Variants in PLXNA4 observed in about 807,000 individuals in gnomAD.
PLXNA4 encodes plexin A4, also known as plexin-A4.
A neutral mutation model predicts 191.8 loss-of-function variants in PLXNA4; 44 were observed. That is an observed-to-expected ratio of 0.23 (90% CI 0.18 to 0.29). The LOEUF is 0.29. PLXNA4 is among the 10% of genes least tolerant of loss of function. PLXNA4 has a pLI of 1.00. For synonymous variants in PLXNA4, 1,082 were observed against 1,009.5 expected, an observed-to-expected ratio of 1.07 and a Z score of -1.36; for missense variants, 1,800 against 2,488.8, an observed-to-expected ratio of 0.72 and a Z score of 5.89.
chr7:132,621,260 G>GTT (rs371428336), intron 2 of PLXNA4, among the ~76,000 whole-genome samples: 4 of 131,816 alleles, frequency 3.0e-5, no homozygotes, highest in African/African-American at 9.0e-5. Context: ...TTTTTTTTTG[G>GTT]TTTTTTTGTT....
intron 2 of PLXNA4, among the ~76,000 whole-genome samples, chr7:132,638,513 G>A (rs1283568633): frequency 3.9e-5 from 6 of 152,024 alleles, no homozygotes; most frequent in East Asian, 1.9e-4. Context: ...TTAACTGGGC[G>A]TGATGGTGTG....
At chr7:132,608,902 C>T (rs774583360) in intron 2 of PLXNA4, among the ~76,000 whole-genome samples, 9 of 152,164 alleles carry the variant, frequency 5.9e-5, no homozygotes, top group East Asian at 1.9e-4. Flanking sequence ...CCTGCTCTGC[C>T]GTGCCCAGGT....
intron 19 of PLXNA4, among the ~76,000 whole-genome samples, chr7:132,180,236 C>T (rs1400105466): frequency 2.0e-5 from 3 of 152,114 alleles, no homozygotes; most frequent in Non-Finnish European, 4.4e-5. Context: ...GATTTATGCC[C>T]AATCTAAGGG....
chr7:132,584,073 C>A (rs1287530592), intron 2 of PLXNA4, among the ~76,000 whole-genome samples: 1 of 152,166 alleles, frequency 6.6e-6, no homozygotes, highest in Non-Finnish European at 1.5e-5. Flanking sequence ...ACACTTCTGG[C>A]AGGGTCATTG....
intron 25 of PLXNA4, among the ~76,000 whole-genome samples, chr7:132,156,135 T>TACACACACACAC (rs57153762): frequency 0.015 from 1,998 of 133,012 alleles, 58 homozygotes; most frequent in African/African-American, 0.05. Flanking sequence ...TTTCTGGACA[T>TACACACACACAC]ACACACACAC....
intron 10 of PLXNA4, among the ~76,000 whole-genome samples, chr7:132,208,531 C>T (rs1368255339): frequency 6.6e-6 from 1 of 152,050 alleles, no homozygotes; most frequent in Admixed American, 6.5e-5. Context: ...GAGTTGGGGG[C>T]AGGGCATGAG....
chr7:132,311,028 A>G (rs1338277307), intron 3 of PLXNA4, among the ~76,000 whole-genome samples: 1 of 152,136 alleles, frequency 6.6e-6, no homozygotes. Context: ...GGCAGAAATG[A>G]TGGAGTTTCA....
chr7:132,474,067 C>CA lies in PLXNA4; in HGVS notation c.1371+15224dup, dbSNP rs1221708385. On this transcript the variant is annotated intron_variant, in intron 3 of 31. Coordinates refer to ENST00000321063, the MANE Select transcript of PLXNA4 (RefSeq NM_020911.2). ...AAAAACAAAACAAAACAAAACAAAA[C>CA]AAAAAAAAACAGGGCAATAAACACC... Among the ~76,000 whole-genome samples, 51 of 137,888 alleles carry CA rather than the reference C, an allele frequency of 3.7e-4. No homozygotes were observed. In the South Asian group the frequency reaches 4.2e-3, roughly 11 times the overall value. The allele number at this position is 137,888 out of a possible 152,430, so 90.5% of individuals were successfully genotyped here. A position where few individuals can be genotyped will look rare whatever the true frequency, so the allele number is the denominator to read the frequency against.
At chr7:132,169,554 C>G (rs1265178819) in intron 21 of PLXNA4, among the ~76,000 whole-genome samples, 3 of 152,168 alleles carry the variant, frequency 2.0e-5, no homozygotes, top group Admixed American at 6.5e-5. Flanking sequence ...CAGGATGGGT[C>G]CTGCAAATGT....
intron 2 of PLXNA4, among the ~76,000 whole-genome samples, chr7:132,491,027 G>T (rs1220328040): frequency 6.6e-6 from 1 of 152,032 alleles, no homozygotes; most frequent in African/African-American, 2.4e-5. Flanking sequence ...AAGCAGCTTG[G>T]GTCTCACACA....
intron 1 of PLXNA4, among the ~76,000 whole-genome samples, chr7:132,563,182 TCC>T: frequency 2.8e-5 from 1 of 35,870 alleles, no homozygotes; most frequent in Non-Finnish European, 6.7e-5. Flanking sequence ...CTCCTCCTTC[TCC>T]TTCCTCCTCC....
chr7:132,176,262 C>T (rs1796451917), intron 20 of PLXNA4, among the ~76,000 whole-genome samples: 1 of 152,260 alleles, frequency 6.6e-6, no homozygotes, highest in Admixed American at 6.5e-5. Context: ...TGCACCTCTA[C>T]ACTGGCCACA....
At chr7:132,469,156 A>G (rs1345961546) in intron 3 of PLXNA4, among the ~76,000 whole-genome samples, 4 of 151,930 alleles carry the variant, frequency 2.6e-5, no homozygotes, top group Admixed American at 6.6e-5. Context: ...AAGAAAGAAA[A>G]AAAAAAGAAA....
intron 5 of PLXNA4, among the ~76,000 whole-genome samples, chr7:132,240,855 T>C (rs1798854054): frequency 6.6e-6 from 1 of 152,154 alleles, no homozygotes; most frequent in African/African-American, 2.4e-5. Flanking sequence ...CGTTGCCATA[T>C]ATTTCTTAAG....
At chr7:132,133,003 T>G in intron 31 of PLXNA4, 46 bp downstream of exon 31, 1 of 1,592,634 alleles carries the variant, frequency 6.3e-7, no homozygotes, top group East Asian at 2.2e-5. Flanking sequence ...GTCTTCATTC[T>G]CTTCCCCCTT....
chr7:132,291,646 C>T (rs549594965), intron 4 of PLXNA4, among the ~76,000 whole-genome samples: 99 of 152,354 alleles, frequency 6.5e-4, no homozygotes, highest in African/African-American at 2.2e-3. Flanking sequence ...ACTCCATTCT[C>T]TACCTCCATT....
intron 9 of PLXNA4, among the ~76,000 whole-genome samples, chr7:132,215,943 A>T (rs2116923126): frequency 6.6e-6 from 1 of 152,202 alleles, no homozygotes; most frequent in East Asian, 1.9e-4. Context: ...GAGTTTTGTG[A>T]GCTGTTATAA....
intron 4 of PLXNA4, among the ~76,000 whole-genome samples, chr7:132,286,259 C>T (rs190939961): frequency 1.3e-5 from 2 of 152,296 alleles, no homozygotes; most frequent in African/African-American, 4.8e-5. Flanking sequence ...GCAGTGGGCG[C>T]TTACTAAACA....
rs77246895 is a variant in PLXNA4 at position 132,602,353 on chromosome 7, C to T, written c.-87+43575G>A. On this transcript the variant is annotated intron_variant, in intron 2 of 4. Transcript: ENST00000378539. ...TTGCAGGGAGGTTTGGAGCTCAGTCCAGAGCAAGCTCCCCAGATGACAGCT... is the reference window on the plus strand; with the variant it reads ...TTGCAGGGAGGTTTGGAGCTCAGTCTAGAGCAAGCTCCCCAGATGACAGCT... Among the ~76,000 whole-genome samples, 325 of 152,270 alleles carry T rather than the reference C, an allele frequency of 2.1e-3. 3 individuals are homozygous for T. The highest frequency in any genetic ancestry group is 7.5e-3 in the African/African-American group (312 of 41,550).
Sources: gnomAD v4.1 joint callset for allele counts (sites outside exome capture counted in the v4.1 genomes callset) on GRCh38, gnomAD v4.1.1 for gene constraint, MANE v1.5 for transcripts, NCBI Gene and HGNC (gene_info 2026-07-23, HGNC 2026-07-21) for gene names.